The following ARHGAP24 variants were observed in gnomAD, a reference collection of about 807,000 sequenced individuals.
ARHGAP24 encodes Rho GTPase activating protein 24.
A neutral mutation model predicts 76.4 loss-of-function variants in ARHGAP24; 50 were observed. The observed-to-expected ratio is 0.65, with a 90% CI of 0.52 to 0.83. The LOEUF (loss-of-function observed/expected upper bound fraction) is 0.83. Ranked by LOEUF, ARHGAP24 falls within the 40% of genes least tolerant of loss-of-function variation. The pLI, the probability that ARHGAP24 is intolerant of heterozygous loss-of-function variation, is 0.00. For missense variants in ARHGAP24, 930 were observed against 914.2 expected (o/e 1.02, Z -0.22); for synonymous variants, 345 against 323.3 (o/e 1.07, Z -0.72).
chr4:85,784,907 CTATCTAT>C (rs1560631787), intron 3 of ARHGAP24, among the ~76,000 whole-genome samples: 3 of 706 alleles, frequency 4.2e-3, no homozygotes, highest in Non-Finnish European at 0.023. Flanking sequence ...TTATATATCT[CTATCTAT>C]CTATCTATCT....
chr4:85,544,888 A>C (rs1204875014), intron 1 of ARHGAP24, among the ~76,000 whole-genome samples: 1 of 151,614 alleles, frequency 6.6e-6, no homozygotes, highest in African/African-American at 2.4e-5. Flanking sequence ...TTTTTTCGCC[A>C]GTCCAGTTCT....
Position 85,923,703 on chromosome 4 carries a change from C to CTGATATGGAAGACTGAT in ARHGAP24, c.324_325insTGATATGGAAGACTGAT (p.Thr109Ter), listed in dbSNP as rs1735859875. ...ATGAAAGCTACCTCCTCATGGCAAG[C>CTGATATGGAAGACTGAT]ACCCAGAATGATATGGAAGACTGGG... On this transcript the variant is annotated stop_gained and frameshift_variant, in exon 4 of 10. Coordinates refer to ENST00000395184, the MANE Select transcript of ARHGAP24 (RefSeq NM_001025616.3). LOFTEE classifies it high-confidence loss of function. The CTGATATGGAAGACTGAT allele has an allele frequency of 6.2e-7, 1 of 1,613,842 alleles. No individual in the cohort carries two copies. The highest frequency in any genetic ancestry group is 1.1e-5 in the South Asian group (1 of 91,086).
chr4:85,832,294 G>A (rs1578272954), intron 3 of ARHGAP24, among the ~76,000 whole-genome samples: 2 of 152,144 alleles, frequency 1.3e-5, no homozygotes, highest in Admixed American at 1.3e-4. Context: ...GATTTGAGCA[G>A]AAGGATAGTG....
At chr4:85,915,568 CT>C (rs1735336838) in intron 3 of ARHGAP24, among the ~76,000 whole-genome samples, 1 of 152,100 alleles carries the variant, frequency 6.6e-6, no homozygotes, top group South Asian at 2.1e-4. Flanking sequence ...TATCCCTCCC[CT>C]AGCCCCCCAC....
intron 3 of ARHGAP24, among the ~76,000 whole-genome samples, chr4:85,788,333 C>T (rs1183437017): frequency 1.3e-5 from 2 of 152,218 alleles, no homozygotes; most frequent in East Asian, 1.9e-4. Context: ...TATAGACTAA[C>T]ATCTATTCCT....
At chr4:85,968,952 C>G (rs1433621369) in intron 5 of ARHGAP24, among the ~76,000 whole-genome samples, 1 of 152,062 alleles carries the variant, frequency 6.6e-6, no homozygotes. Context: ...TGCATATATA[C>G]TATAATGCTA....
intron 3 of ARHGAP24, among the ~76,000 whole-genome samples, chr4:85,813,818 T>TTATATATA (rs35261368): frequency 0.013 from 1,825 of 137,072 alleles, 18 homozygotes; most frequent in African/African-American, 0.017. Flanking sequence ...TATATTTATT[T>TTATATATA]TATATATATA....
At chr4:85,595,879 A>T (rs1225604356) in intron 2 of ARHGAP24, among the ~76,000 whole-genome samples, 4 of 152,018 alleles carry the variant, frequency 2.6e-5, no homozygotes, top group Non-Finnish European at 5.9e-5. Context: ...GTAATTAGCA[A>T]AATGTTAGGG....
chr4:85,870,898 A>G (rs1732488770), intron 3 of ARHGAP24, among the ~76,000 whole-genome samples: 1 of 152,136 alleles, frequency 6.6e-6, no homozygotes, highest in Non-Finnish European at 1.5e-5. Context: ...TTACTGTTTC[A>G]TGACTTTACT....
At chr4:85,988,494 G>A (rs1740135048) in intron 8 of ARHGAP24, among the ~76,000 whole-genome samples, 1 of 151,374 alleles carries the variant, frequency 6.6e-6, no homozygotes, top group African/African-American at 2.4e-5. Context: ...TTTAAAAGTA[G>A]ACCGTAATAA....
intron 3 of ARHGAP24, among the ~76,000 whole-genome samples, chr4:85,807,667 GA>G (rs1052592295): frequency 9.2e-5 from 14 of 152,144 alleles, no homozygotes; most frequent in Admixed American, 2.0e-4. Context: ...CCTGATGACG[GA>G]TGGTTTTGTT....
At chr4:85,864,009 A>T (rs1311145408) in intron 3 of ARHGAP24, among the ~76,000 whole-genome samples, 8 of 152,050 alleles carry the variant, frequency 5.3e-5, no homozygotes, top group South Asian at 2.1e-4. Flanking sequence ...CATAGAGAAG[A>T]GGAGAAGACT....
rs945093580 is a variant in ARHGAP24, at chr4:85,906,909, G to T, written c.269-16739G>T. ...TTAGTCCACTCTATTTGTAAATTGG[G>T]GAGACATTTTCATCGTTTCTATTTT... On this transcript the variant is annotated intron_variant, in intron 3 of 9. Transcript: ENST00000395184. Among the ~76,000 whole-genome samples, 15 of 152,194 alleles carry T rather than the reference G, an allele frequency of 9.9e-5. No homozygotes were observed. In the East Asian group the frequency reaches 2.5e-3, roughly 25 times the overall value.
intron 3 of ARHGAP24, chr4:85,827,843 A>G: frequency 8.5e-7 from 1 of 1,172,596 alleles, no homozygotes; most frequent in Non-Finnish European, 1.1e-6. Context: ...AACTGCAGTG[A>G]GCAAACACAG....
intron 3 of ARHGAP24, among the ~76,000 whole-genome samples, chr4:85,895,001 C>CAAAAAAAAAAAAAAAAAAAA (rs1222078793): frequency 7.4e-5 from 4 of 54,332 alleles, no homozygotes; most frequent in Non-Finnish European, 9.2e-5. Flanking sequence ...AAACAAAAAG[C>CAAAAAAAAAAAAAAAAAAAA]AAAAAAAAAA....
chr4:85,520,936 G>A (rs1347510231), intron 1 of ARHGAP24, among the ~76,000 whole-genome samples: 1 of 152,312 alleles, frequency 6.6e-6, no homozygotes, highest in African/African-American at 2.4e-5. Context: ...ATAAGAAAGA[G>A]ATCAGAGGGG....
intron 1 of ARHGAP24, among the ~76,000 whole-genome samples, chr4:85,526,135 G>T (rs983438601): frequency 1.3e-5 from 2 of 152,058 alleles, no homozygotes; most frequent in Admixed American, 6.6e-5. Context: ...TTTTGGCCGG[G>T]TATGGTGGCT....
In ARHGAP24 at chr4:85,942,097, T is replaced by TATGAGGATA; in HGVS notation, c.423_424insATGAGGATA (p.Val141_Arg142insMetArgIle). 6.2e-7 allele frequency: 1 copy of TATGAGGATA among 1,613,886 alleles called. No individual in the cohort carries two copies. Among genetic ancestry groups the TATGAGGATA allele is most frequent in the Non-Finnish European group, 8.5e-7 (1 of 1,179,990 alleles). ...TTGGACAGAAACTGGAGGATACTGT[T>TATGAGGATA]CGTTATGAGAAGAGATATGGGAACC... On this transcript the variant is annotated inframe_insertion, in exon 5 of 10. Transcript: ENST00000395184.
Position 85,822,058 on chromosome 4 carries a change from T to C in ARHGAP24, c.268+100086T>C, listed in dbSNP as rs1729496935. ...TACAATTTCATTTGTGTTGACTTTC[T>C]AGTTAAAGAATAAATCCCTTTCCTT... On this transcript the variant is annotated intron_variant, in intron 3 of 9. Coordinates refer to ENST00000395184, the MANE Select transcript of ARHGAP24 (RefSeq NM_001025616.3). Among the ~76,000 whole-genome samples the C allele has an allele frequency of 3.3e-5, 5 of 152,346 alleles. No homozygotes were observed. In the South Asian group the frequency reaches 1.0e-3, roughly 32 times the overall value.
Sources: gnomAD v4.1 joint callset for allele counts (sites outside exome capture counted in the v4.1 genomes callset) on GRCh38, gnomAD v4.1.1 for gene constraint, MANE v1.5 for transcripts, NCBI Gene and HGNC (gene_info 2026-07-23, HGNC 2026-07-21) for gene names.